TMC1: variants seen among roughly 807,000 people sequenced by gnomAD.
TMC1 encodes the protein transmembrane channel like 1.
In TMC1, 84 loss-of-function variants were observed where a neutral mutation model predicts 105.8. The observed-to-expected ratio is 0.79, with a 90% CI of 0.67 to 0.95. TMC1 has a LOEUF of 0.95. TMC1 is among the 40% of genes least tolerant of loss of function. The pLI, the probability that TMC1 is intolerant of heterozygous loss-of-function variation, is 0.00. For missense variants in TMC1, 817 were observed against 914.1 expected (o/e 0.89, Z 1.37); for synonymous variants, 315 against 311.5 (o/e 1.01, Z -0.12).
chr9:72,602,333 T>C (rs1035544712), intron 2 of TMC1, among the ~76,000 whole-genome samples: 3 of 151,244 alleles, frequency 2.0e-5, no homozygotes, highest in African/African-American at 7.3e-5. Flanking sequence ...AGATTTGATA[T>C]GCGAATGACT....
intron 1 of TMC1, among the ~76,000 whole-genome samples, chr9:72,536,083 T>A (rs993663346): frequency 2.0e-5 from 3 of 152,230 alleles, no homozygotes; most frequent in Non-Finnish European, 4.4e-5. Context: ...AATACAATCA[T>A]TTCTTCCTAA....
chr9:72,772,655 C>A, intron 13 of TMC1, 100 bp downstream of exon 13: 1 of 1,456,906 alleles, frequency 6.9e-7, no homozygotes, highest in Non-Finnish European at 9.6e-7. Context: ...TATTTTATGT[C>A]TAAAGGAAAC....
intron 6 of TMC1, among the ~76,000 whole-genome samples, chr9:72,692,320 G>A (rs1826478961): frequency 6.6e-6 from 1 of 152,170 alleles, no homozygotes; most frequent in Non-Finnish European, 1.5e-5. Flanking sequence ...TTTTCTCCCA[G>A]TTGTATGGTA....
intron 2 of TMC1, among the ~76,000 whole-genome samples, chr9:72,615,559 A>G (rs572119297): frequency 6.6e-6 from 1 of 152,310 alleles, no homozygotes; most frequent in East Asian, 1.9e-4. Context: ...CTGTAAAATG[A>G]GAGATTACAT....
chr9:72,771,190 C>G (rs1015443064), intron 12 of TMC1, among the ~76,000 whole-genome samples: 2 of 152,172 alleles, frequency 1.3e-5, no homozygotes, highest in African/African-American at 4.8e-5. Context: ...GTTAAGCACA[C>G]AAGTTCCTCT....
At chr9:72,611,002 G>GCAA (rs1290549263) in intron 2 of TMC1, among the ~76,000 whole-genome samples, 2 of 152,160 alleles carry the variant, frequency 1.3e-5, no homozygotes, top group African/African-American at 4.8e-5. Flanking sequence ...TCCTTACCTT[G>GCAA]GGGTTTCAAG....
chr9:72,594,501 T>A (rs1162807776), intron 2 of TMC1, among the ~76,000 whole-genome samples: 1 of 152,214 alleles, frequency 6.6e-6, no homozygotes, highest in East Asian at 1.9e-4. Context: ...GCAGATCACA[T>A]AGCCCTTTCC....
At chr9:72,650,890 A>ATATATCTATATC (rs1564468483) in intron 5 of TMC1, among the ~76,000 whole-genome samples, 1 of 139,642 alleles carries the variant, frequency 7.2e-6, no homozygotes, top group African/African-American at 2.7e-5. Context: ...ATAGATATAT[A>ATATATCTATATC]GATATATATA....
chr9:72,542,003 G>T (rs1823686526), intron 1 of TMC1, among the ~76,000 whole-genome samples: 1 of 151,970 alleles, frequency 6.6e-6, no homozygotes, highest in Admixed American at 6.6e-5. Flanking sequence ...ATCTGGGTGA[G>T]GTATTTGCAA....
intron 11 of TMC1, 51 bp from the exon 12 acceptor site, chr9:72,754,735 G>A (rs755071623): frequency 7.2e-7 from 1 of 1,397,876 alleles, no homozygotes; most frequent in East Asian, 2.3e-5. Flanking sequence ...CACATGTGTG[G>A]CTCAGACTTT....
rs541975835 is a variant in TMC1, at chr9:72,742,300, GT to G, written c.454-141del. 441 of 719,058 alleles carry G rather than the reference GT, an allele frequency of 6.1e-4. No homozygotes were observed. In the African/African-American group the frequency reaches 6.7e-3, roughly 11 times the overall value. The allele number at this position is 719,058 out of a possible 1,614,324, so 44.5% of individuals were successfully genotyped here. A position where few individuals can be genotyped will look rare whatever the true frequency, so the allele number is the denominator to read the frequency against. On this transcript the variant is annotated intron_variant, in intron 9 of 23. Transcript: ENST00000297784. ...AACAGGGAAACAAGTGAAACCTACT[GT>G]TTCCCCCTTTGACTAGAAAGTAGTA...
intron 5 of TMC1, among the ~76,000 whole-genome samples, chr9:72,650,897 T>TATATATATATATATATAA (rs1564468529): frequency 4.9e-5 from 7 of 142,544 alleles, no homozygotes; most frequent in African/African-American, 1.8e-4. Flanking sequence ...TATAGATATA[T>TATATATATATATATATAA]ATATAAATAT....
At chr9:72,807,655 T>A (rs1451980303) in intron 18 of TMC1, among the ~76,000 whole-genome samples, 1 of 152,220 alleles carries the variant, frequency 6.6e-6, no homozygotes, top group East Asian at 1.9e-4. Context: ...AACTCCTGGA[T>A]ACTATCATAT....
intron 7 of TMC1, among the ~76,000 whole-genome samples, chr9:72,697,921 T>C (rs970083632): frequency 6.6e-6 from 1 of 152,300 alleles, no homozygotes; most frequent in African/African-American, 2.4e-5. Context: ...TCAATAAAAC[T>C]GCTATCTATG....
chr9:72,792,094 C>T, intron 16 of TMC1, 29 bp downstream of exon 16: 1 of 1,613,672 alleles, frequency 6.2e-7, no homozygotes. Flanking sequence ...TTGTCCTTGC[C>T]ATAAGAGTGT....
intron 5 of TMC1, 72 bp from the exon 6 acceptor site, chr9:72,688,637 A>C (rs1243214287): frequency 3.6e-6 from 5 of 1,393,152 alleles, no homozygotes; most frequent in Non-Finnish European, 5.0e-6. Context: ...AAAAACAATA[A>C]AAGTAAAAAC....
chr9:72,752,020 C>A, intron 11 of TMC1, 64 bp downstream of exon 11: 1 of 1,055,430 alleles, frequency 9.5e-7, no homozygotes, highest in Non-Finnish European at 1.5e-6. Context: ...AAGTATTTAT[C>A]TCTTCTTTAA....
intron 20 of TMC1, among the ~76,000 whole-genome samples, chr9:72,822,627 C>A (rs1281680161): frequency 6.6e-6 from 1 of 151,578 alleles, no homozygotes; most frequent in African/African-American, 2.4e-5. Context: ...AAATTACAGT[C>A]TTGATGAGAC....
chr9:72,788,595 TCATGG>T, intron 14 of TMC1, 112 bp downstream of exon 14: 1 of 1,177,888 alleles, frequency 8.5e-7, no homozygotes, highest in Non-Finnish European at 1.2e-6. Flanking sequence ...AAAGATTAAC[TCATGG>T]TTTCTGCCTA....
Sources: allele counts gnomAD v4.1 joint callset (sites outside exome capture counted in the v4.1 genomes callset), GRCh38; gene constraint gnomAD v4.1.1; transcripts MANE v1.5; gene names NCBI Gene and HGNC (gene_info 2026-07-23, HGNC 2026-07-21).